Variants in FLT1 observed in about 807,000 individuals in gnomAD.
The protein encoded by FLT1 is vascular endothelial growth factor receptor 1.
FLT1 carries 49 observed loss-of-function variants against 156.3 expected under a neutral mutation model. The ratio of observed to expected loss-of-function variants is 0.31; its 90% CI spans 0.25 to 0.40. The LOEUF is 0.40. Ranked by LOEUF, FLT1 falls within the 10% of genes least tolerant of loss-of-function variation. The probability of loss-of-function intolerance (pLI) is 1.00; values close to 1 mark genes in which losing one functional copy is unlikely to be tolerated. For synonymous variants in FLT1, 594 were observed against 583.8 expected (o/e 1.02, Z -0.25); for missense variants, 1,322 against 1,637.2 (o/e 0.81, Z 3.32).
At chr13:28,327,957 T>C (rs1464024099) in intron 19 of FLT1, among the ~76,000 whole-genome samples, 2 of 152,162 alleles carry the variant, frequency 1.3e-5, no homozygotes, top group Non-Finnish European at 2.9e-5. Context: ...CCTCCCTCCC[T>C]ACCACGACAG....
chr13:28,467,268 C>T lies in FLT1; in HGVS notation c.162-139G>A. 3 of 758,140 alleles carry T rather than the reference C, an allele frequency of 4.0e-6. 1 individual carries two copies. In the South Asian group the frequency reaches 4.3e-5, roughly 11 times the overall value. 47.0% of individuals were successfully genotyped at this position (758,140 alleles called of 1,614,324 possible). On this transcript the variant is annotated intron_variant, in intron 2 of 29. Transcript: ENST00000282397. ...TCTTCCTCTTTACGGGAAAGCAACACATTCAGAAAAGCTGTAGAACAATAC... is the reference window on the plus strand; with the variant it reads ...TCTTCCTCTTTACGGGAAAGCAACATATTCAGAAAAGCTGTAGAACAATAC...
rs1871649875 is a variant in FLT1, at chr13:28,325,691, G to A, written c.2796+1771C>T. On this transcript the variant is annotated intron_variant, in intron 20 of 29. Transcript: ENST00000282397. The stretch of plus-strand genomic sequence containing the variant: ...TAGCTGGGCGTTGTGGCGGGCTCCT[G>A]TAATCCCAGCTACTTGGGAGGGTAG... Among the ~76,000 whole-genome samples, 3 of 151,720 alleles carry A rather than the reference G, an allele frequency of 2.0e-5. No homozygotes were observed. The South Asian group carries it at 6.2e-4, about 32-fold the overall frequency.
chr13:28,366,444 C>G (rs146710859), intron 14 of FLT1, among the ~76,000 whole-genome samples: 152 of 151,956 alleles, frequency 1.0e-3, no homozygotes, highest in African/African-American at 3.1e-3. Context: ...CTTTAATATT[C>G]AGCTCAGGAT....
At chr13:28,380,921 T>C (rs1477120129) in intron 14 of FLT1, among the ~76,000 whole-genome samples, 1 of 152,054 alleles carries the variant, frequency 6.6e-6, no homozygotes, top group South Asian at 2.1e-4. Flanking sequence ...ATTTTATAAA[T>C]AGGGGAAAAA....
Position 28,427,891 on chromosome 13 carries a change from T to C in FLT1, c.1137A>G (p.Lys379=). The C allele has an allele frequency of 6.2e-7, 1 of 1,613,982 alleles. No individual in the cohort carries two copies. The highest frequency in any genetic ancestry group is 8.5e-7 in the Non-Finnish European group (1 of 1,179,900). ...WLKDGLPATE[K]SARYLTRGYS... ...AGCCACGAGTCAAATAGCGAGCAGA[T>C]TTCTCAGTCGCAGGTAACCCATCTT... The change falls in exon 9 of 30, where the codon AAA becomes AAG. Residue 379 remains lysine, a synonymous_variant. Coordinates refer to ENST00000282397, the MANE Select transcript of FLT1 (RefSeq NM_002019.4).
intron 11 of FLT1, among the ~76,000 whole-genome samples, chr13:28,399,686 T>C (rs146544004): frequency 1.3e-5 from 2 of 152,284 alleles, no homozygotes; most frequent in East Asian, 3.9e-4. Flanking sequence ...GGTCACAAGA[T>C]GGAGACAGAA....
At chr13:28,405,721 G>A (rs1254832095) in intron 11 of FLT1, 59 bp downstream of exon 11, 8 of 954,678 alleles carry the variant, frequency 8.4e-6, no homozygotes, top group Non-Finnish European at 1.4e-5. Context: ...ACCTAGAATT[G>A]GGAGCTGAGA....
chr13:28,451,998 G>C (rs1566035080), intron 3 of FLT1, among the ~76,000 whole-genome samples: 1 of 152,200 alleles, frequency 6.6e-6, no homozygotes, highest in Non-Finnish European at 1.5e-5. Context: ...AGTGTGGCTA[G>C]TGTTTCCAGT....
chr13:28,441,292 G>A (rs559780511), intron 3 of FLT1, among the ~76,000 whole-genome samples: 2 of 152,266 alleles, frequency 1.3e-5, no homozygotes, highest in Admixed American at 6.5e-5. Context: ...CATCCCAAAG[G>A]AAAAATCAGG....
chr13:28,431,798 CAG>C (rs1877699958), intron 6 of FLT1, among the ~76,000 whole-genome samples: 1 of 152,126 alleles, frequency 6.6e-6, no homozygotes, highest in South Asian at 2.1e-4. Context: ...GGCTTAATGA[CAG>C]TGCTTCTCTC....
At position 28,470,492 on chromosome 13, in the gene FLT1, A is replaced by C. The variant is rs183790545; in HGVS notation, c.65-2875T>G. Among the ~76,000 whole-genome samples the C allele has an allele frequency of 2.0e-5, 3 of 152,208 alleles. No individual in the cohort carries two copies. The East Asian group carries it at 5.8e-4, about 29-fold the overall frequency. On this transcript the variant is annotated intron_variant, in intron 1 of 29. Transcript: ENST00000282397. ...GTAGTTATCTCTGTGGTCTGTCTGG[A>C]GATGCTGAGCGCTCCCGTCCAGGAA...
rs748278130 is a variant in FLT1, at chr13:28,405,865, G to A, written c.1466C>T (p.Ser489Phe). Reference sequence around the variant, plus strand: ...GTTGCTGTCAGCATCCAGGATAAAGGACTCTTCATTATTGGAACAAAAGTC... The same window carrying A: ...GTTGCTGTCAGCATCCAGGATAAAGAACTCTTCATTATTGGAACAAAAGTC... ...RCDFCSNNEE[S>F]FILDADSNMG... The change falls in exon 11 of 30, where the codon TCC (serine) becomes TTC (phenylalanine). Residue 489 changes from serine to phenylalanine, a missense_variant. Around this residue, in one of 3 missense-constraint regions of FLT1, gnomAD observed 991 missense variants for 1,254.8 expected, o/e 0.79. Coordinates refer to ENST00000282397, the MANE Select transcript of FLT1 (RefSeq NM_002019.4). 1 of 1,607,382 alleles carries A rather than the reference G, an allele frequency of 6.2e-7. No homozygotes were observed. Among genetic ancestry groups the A allele is most frequent in the South Asian group, 1.1e-5 (1 of 90,982 alleles).
At position 28,311,708 on chromosome 13, in the gene FLT1, T is replaced by C. The variant is rs1206658932; in HGVS notation, c.3517A>G (p.Asn1173Asp). 9.9e-6 allele frequency: 16 copies of C among 1,614,076 alleles called. No individual in the cohort carries two copies. The highest frequency in any genetic ancestry group is 1.3e-5 in the Non-Finnish European group (15 of 1,179,972). Residue 1173 changes from asparagine to aspartate, a missense_variant, in exon 27 of 30, where the codon AAT (asparagine) becomes GAT (aspartate). By Grantham distance (23) the Asn-to-Asp change is conservative. Coordinates refer to ENST00000282397, the MANE Select transcript of FLT1 (RefSeq NM_002019.4). ...QQDGKDYIPI[N>D]AILTGNSGFT... ...CCACTATTTCCTGTCAGTATGGCATTGATTGGGATGTAGTCTTTACCATCC... is the reference window on the plus strand; with the variant it reads ...CCACTATTTCCTGTCAGTATGGCATCGATTGGGATGTAGTCTTTACCATCC...
chr13:28,418,084 C>T (rs1000282637), intron 10 of FLT1, among the ~76,000 whole-genome samples: 2 of 152,066 alleles, frequency 1.3e-5, no homozygotes, highest in Non-Finnish European at 2.9e-5. Flanking sequence ...GATCAAATAC[C>T]CCTGGATGGT....
At chr13:28,430,405 C>G (rs1877614723) in intron 7 of FLT1, among the ~76,000 whole-genome samples, 1 of 152,076 alleles carries the variant, frequency 6.6e-6, no homozygotes, top group African/African-American at 2.4e-5. Flanking sequence ...AGTGGCAGAG[C>G]AACAGAAAGT....
chr13:28,390,352 T>C (rs1045131385), intron 12 of FLT1, among the ~76,000 whole-genome samples: 3 of 152,176 alleles, frequency 2.0e-5, no homozygotes, highest in African/African-American at 7.2e-5. Flanking sequence ...TCACGTGAAG[T>C]TGCTCTTCAA....
chr13:28,436,871 C>G (rs572147106), intron 4 of FLT1, among the ~76,000 whole-genome samples: 2 of 152,140 alleles, frequency 1.3e-5, no homozygotes, highest in Admixed American at 6.5e-5. Context: ...GTCATTACCC[C>G]CTTCCTCAGA....
intron 14 of FLT1, chr13:28,368,156 A>G: frequency 1.7e-6 from 1 of 573,620 alleles, no homozygotes; most frequent in Non-Finnish European, 2.2e-6. Flanking sequence ...TTATTTATTT[A>G]TTTATTTGTT....
chr13:28,408,775 C>T (rs567001342), intron 10 of FLT1, among the ~76,000 whole-genome samples: 9 of 152,278 alleles, frequency 5.9e-5, no homozygotes, highest in East Asian at 3.9e-4. Context: ...AGCCTCAGCT[C>T]GGCGCTGTCC....
Sources: gnomAD v4.1 joint callset for allele counts (sites outside exome capture counted in the v4.1 genomes callset) on GRCh38, gnomAD v4.1.1 for gene constraint, gnomAD v4.1.1 regional missense constraint, MANE v1.5 for transcripts, NCBI Gene and HGNC (gene_info 2026-07-23, HGNC 2026-07-21) for gene names.